Variants in PIWIL1 observed in about 807,000 individuals in gnomAD.
PIWIL1 encodes piwi like RNA-mediated gene silencing 1.
Under a neutral mutation model 114.4 loss-of-function variants are expected in PIWIL1, and 73 were observed. That is an observed-to-expected ratio of 0.64 (90% CI 0.53 to 0.78). The LOEUF (loss-of-function observed/expected upper bound fraction) is 0.78. Among genes scored for constraint, PIWIL1 ranks in the 30% least tolerant of loss-of-function variants. PIWIL1 has a pLI of 0.00. For missense variants in PIWIL1, 723 were observed against 1,063.1 expected (o/e 0.68, Z 4.45); for synonymous variants, 375 against 369.0 (o/e 1.02, Z -0.19).
At chr12:130,419,934 A>G in the PIWIL1 span, 1 of 152,226 alleles carries the variant, frequency 6.6e-6, no homozygotes, top group Non-Finnish European at 1.5e-5. The surrounding 1 kb of genome is among the most constrained non-coding windows in gnomAD (Gnocchi z 4.3). Flanking sequence ...AATTTTGGAA[A>G]TCCAGAAAAT....
At chr12:130,364,566 A>AT (rs2136186606) in intron 18 of PIWIL1, among the ~76,000 whole-genome samples, 1 of 152,306 alleles carries the variant, frequency 6.6e-6, no homozygotes, top group South Asian at 2.1e-4. Context: ...AAGACCACGC[A>AT]TTTTTTAATA....
chr12:130,409,534 C>T, the PIWIL1 span, among the ~76,000 whole-genome samples: 2 of 151,796 alleles, frequency 1.3e-5, no homozygotes, highest in Non-Finnish European at 2.9e-5. Flanking sequence ...TTTGTATAGA[C>T]GGGGTTTCAC....
the PIWIL1 span, among the ~76,000 whole-genome samples, chr12:130,391,288 G>A: frequency 6.6e-6 from 1 of 152,208 alleles, no homozygotes; most frequent in Non-Finnish European, 1.5e-5. Flanking sequence ...CAACGCGGGT[G>A]AGACAGCGCT....
chr12:130,360,034 G>A (rs1028200908), intron 14 of PIWIL1, among the ~76,000 whole-genome samples: 6 of 152,164 alleles, frequency 3.9e-5, no homozygotes, highest in African/African-American at 1.2e-4. Flanking sequence ...GTGGGGTATC[G>A]AGTGCTAGGA....
chr12:130,408,971 C>G, the PIWIL1 span, among the ~76,000 whole-genome samples: 15 of 152,130 alleles, frequency 9.9e-5, no homozygotes, highest in African/African-American at 3.6e-4. Context: ...GCACACACGC[C>G]TCTGTGCACA....
At chr12:130,355,261 AAG>A (rs1426604023) in intron 11 of PIWIL1, among the ~76,000 whole-genome samples, 1 of 152,206 alleles carries the variant, frequency 6.6e-6, no homozygotes, top group African/African-American at 2.4e-5. Flanking sequence ...ACAACAGAAA[AAG>A]GGGATGTTTC....
intron 1 of PIWIL1, among the ~76,000 whole-genome samples, chr12:130,341,713 TG>T (rs1332636231): frequency 1.3e-5 from 2 of 152,222 alleles, no homozygotes; most frequent in Non-Finnish European, 2.9e-5. Flanking sequence ...TGTTTTCTCA[TG>T]TTGTCTAAAA....
At chr12:130,346,309 A>G in intron 4 of PIWIL1, 61 bp from the exon 5 acceptor site, 1 of 1,313,576 alleles carries the variant, frequency 7.6e-7, no homozygotes, top group Non-Finnish European at 1.1e-6. Flanking sequence ...TCATGGTAGG[A>G]AAGATTTCAA....
chr12:130,397,558 T>C, the PIWIL1 span: 4 of 398,858 alleles, frequency 1.0e-5, no homozygotes, highest in African/African-American at 6.2e-5. Flanking sequence ...ACCTAGTAGG[T>C]ACAGTGTTAC....
rs1231773991 is a variant in PIWIL1, at chr12:130,353,230, G to A, written c.1045-1307G>A. ...TTGTTCTTCTGGTGTGCTCAGTGGA[G>A]GTGTGTGGTTTTTTGTTCTCCTGGT... On this transcript the variant is annotated intron_variant, in intron 9 of 20. Transcript: ENST00000245255. 2.6e-5 allele frequency among the ~76,000 whole-genome samples: 4 copies of A among 151,818 alleles called. No individual in the cohort carries two copies. In the East Asian group the frequency reaches 5.8e-4, roughly 22 times the overall value.
chr12:130,362,140 A>G (rs1427284582), intron 16 of PIWIL1, among the ~76,000 whole-genome samples: 1 of 152,192 alleles, frequency 6.6e-6, no homozygotes, highest in African/African-American at 2.4e-5. Flanking sequence ...AACTCGTGTC[A>G]TGGGGTTTGT....
the PIWIL1 span, among the ~76,000 whole-genome samples, chr12:130,384,956 G>A: frequency 6.6e-6 from 1 of 152,144 alleles, no homozygotes; most frequent in African/African-American, 2.4e-5. Context: ...TTTTGGAGAA[G>A]GGAAAGATAT....
chr12:130,414,089 G>A, the PIWIL1 span: 1 of 1,609,766 alleles, frequency 6.2e-7, no homozygotes, highest in Non-Finnish European at 8.5e-7. Flanking sequence ...CCGCCTCAGG[G>A]GCTGATGAAG....
chr12:130,338,007 C>G lies in PIWIL1; in HGVS notation c.-152C>G, dbSNP rs1376473911. 1 of 172,814 alleles carries G rather than the reference C, an allele frequency of 5.8e-6. No homozygotes were observed. Among genetic ancestry groups the G allele is most frequent in the South Asian group, 1.2e-4 (1 of 8,138 alleles). 10.7% of individuals were successfully genotyped at this position (172,814 alleles called of 1,614,324 possible). ...GTCCCTGGCTCTCTCGGGAACCCAG[C>G]GCCGAAGGCGAGGTGGGCGCGGGCC... is the stretch of plus-strand genomic sequence containing the variant. On this transcript the variant is annotated 5_prime_UTR_variant, in exon 1 of 21. Coordinates refer to ENST00000245255, the MANE Select transcript of PIWIL1 (RefSeq NM_004764.5).
At position 130,361,243 on chromosome 12, in the gene PIWIL1, A is replaced by G. The variant is rs764005051; in HGVS notation, c.1729A>G (p.Thr577Ala). The change falls in exon 15 of 21, where the codon ACA becomes GCA. Residue 577 changes from threonine to alanine, a missense_variant. Around this residue, in one of 8 missense-constraint regions of PIWIL1, gnomAD observed 298 missense variants for 420.8 expected, o/e 0.71. Transcript: ENST00000245255. Reference protein sequence around the residue: ...KYDAIKKYLCTDCPTPSQCVV... With the variant: ...KYDAIKKYLCADCPTPSQCVV... ...CGATGCTATTAAAAAATACCTGTGT[A>G]CAGATTGCCCTACCCCAAGTCAGTG... is the stretch of plus-strand genomic sequence containing the variant. 3.1e-6 allele frequency: 5 copies of G among 1,614,188 alleles called. No homozygotes were observed. Among genetic ancestry groups the G allele is most frequent in the Non-Finnish European group, 4.2e-6 (5 of 1,180,034 alleles).
At position 130,346,405 on chromosome 12, in the gene PIWIL1, C is replaced by T. The variant is rs778936532; in HGVS notation, c.352C>T (p.His118Tyr). 1 of 1,614,054 alleles carries T rather than the reference C, an allele frequency of 6.2e-7. No individual in the cohort carries two copies. The highest frequency in any genetic ancestry group is 2.2e-5 in the East Asian group (1 of 44,876). ...SGIIVRLSTN[H>Y]FRLTSRPQWA... Reference sequence around the variant, plus strand: ...CATTATAGTAAGGTTAAGCACTAACCATTTCCGGCTGACATCCCGTCCCCA... The same window carrying T: ...CATTATAGTAAGGTTAAGCACTAACTATTTCCGGCTGACATCCCGTCCCCA... The change falls in exon 5 of 21, where the codon CAT becomes TAT. Residue 118 changes from histidine to tyrosine, a missense_variant. Physicochemically the swap from His to Tyr is moderately conservative, Grantham distance 83 (BLOSUM62 2). Around this residue, in one of 8 missense-constraint regions of PIWIL1, gnomAD observed 190 missense variants for 294.4 expected, o/e 0.65. Coordinates refer to ENST00000245255, the MANE Select transcript of PIWIL1 (RefSeq NM_004764.5).
chr12:130,414,937 T>C, the PIWIL1 span, among the ~76,000 whole-genome samples: 1 of 152,168 alleles, frequency 6.6e-6, no homozygotes, highest in African/African-American at 2.4e-5. Context: ...TAGACCAATA[T>C]TGATGAAATG....
intron 8 of PIWIL1, 119 bp from the exon 9 acceptor site, chr12:130,349,737 A>T: frequency 1.6e-6 from 1 of 638,804 alleles, no homozygotes; most frequent in Non-Finnish European, 2.7e-6. Context: ...TTCTTTTTCC[A>T]ACCTTGTATA....
At chr12:130,424,201 C>A in the PIWIL1 span, 1 of 1,231,956 alleles carries the variant, frequency 8.1e-7, no homozygotes, top group Non-Finnish European at 1.0e-6. The surrounding 1 kb of genome is among the most constrained non-coding windows in gnomAD (Gnocchi z 9.8). Flanking sequence ...GCCCTACTGT[C>A]GGGCATGGTT....
Sources: gnomAD v4.1 joint callset for allele counts (sites outside exome capture counted in the v4.1 genomes callset) on GRCh38, gnomAD v4.1.1 for gene constraint, gnomAD v4.1.1 regional missense constraint, Gnocchi (gnomAD v3.1) non-coding constraint, MANE v1.5 for transcripts, NCBI Gene and HGNC (gene_info 2026-07-23, HGNC 2026-07-21) for gene names.